Variants in CCSER1 observed in about 807,000 individuals in gnomAD.
The protein encoded by CCSER1 is coiled-coil serine rich protein 1.
A neutral mutation model predicts 82.0 loss-of-function variants in CCSER1; 41 were observed. That is an observed-to-expected ratio of 0.50 (90% CI 0.39 to 0.65). The LOEUF is 0.65. CCSER1 is among the 30% of genes least tolerant of loss of function. The pLI is 0.00. For missense variants in CCSER1, 1,119 were observed against 1,064.2 expected, an observed-to-expected ratio of 1.05 and a Z score of -0.72; for synonymous variants, 414 against 383.9, an observed-to-expected ratio of 1.08 and a Z score of -0.92.
rs11944649 is a variant in CCSER1 at position 90,701,012 on chromosome 4, C to G, written c.1933-22902C>G. The stretch of plus-strand genomic sequence containing the variant: ...GTTAGATCCCATTTGTCAATTTTGG[C>G]TTTTGTTGCCATTGCTTTTGGTGTT... On this transcript the variant is annotated intron_variant, in intron 6 of 10. Transcript: ENST00000509176. Among the ~76,000 whole-genome samples the G allele has an allele frequency of 4.6e-3, 706 of 152,204 alleles. 6 individuals carry two copies. Among genetic ancestry groups the G allele is most frequent in the African/African-American group, 0.017 (687 of 41,510 alleles).
intron 10 of CCSER1, among the ~76,000 whole-genome samples, chr4:91,464,192 C>A (rs1198709724): frequency 9.9e-6 from 1 of 100,688 alleles, no homozygotes; most frequent in Non-Finnish European, 2.0e-5. Context: ...AGAGTGGGGG[C>A]CAATATTCAA....
At chr4:90,920,911 G>T (rs1236867196) in intron 8 of CCSER1, among the ~76,000 whole-genome samples, 1 of 151,518 alleles carries the variant, frequency 6.6e-6, no homozygotes, top group African/African-American at 2.4e-5. Context: ...AATAATTTTA[G>T]TCAAGACTTT....
intron 7 of CCSER1, among the ~76,000 whole-genome samples, chr4:90,796,663 A>G (rs998464760): frequency 2.0e-5 from 3 of 152,148 alleles, no homozygotes; most frequent in African/African-American, 4.8e-5. Context: ...TCTGTGTCCC[A>G]GGGATTCTGG....
chr4:91,056,557 C>A lies in CCSER1; in HGVS notation c.2173-29393C>A, dbSNP rs548143591. Among the ~76,000 whole-genome samples the A allele has an allele frequency of 4.6e-5, 7 of 152,230 alleles. No individual in the cohort carries two copies. The South Asian group carries it at 1.5e-3, about 32-fold the overall frequency. ...ATGCTCTGTCTGTATGACCTAAACA[C>A]CTCCTAGAAGGCCCTAATTCCCAAC... On this transcript the variant is annotated intron_variant, in intron 9 of 10. Coordinates refer to ENST00000509176, the MANE Select transcript of CCSER1 (RefSeq NM_001145065.2).
At chr4:91,347,476 CATT>C (rs200478977) in intron 10 of CCSER1, among the ~76,000 whole-genome samples, 58 of 151,010 alleles carry the variant, frequency 3.8e-4, no homozygotes, top group African/African-American at 1.3e-3. Context: ...ATTTAGAACA[CATT>C]ATTATTTTTT....
intron 10 of CCSER1, among the ~76,000 whole-genome samples, chr4:91,160,403 A>G (rs551602389): frequency 6.6e-6 from 1 of 152,206 alleles, no homozygotes; most frequent in East Asian, 1.9e-4. Flanking sequence ...TCCTTTGGGT[A>G]TATACCAGGC....
intron 10 of CCSER1, among the ~76,000 whole-genome samples, chr4:91,416,845 T>C (rs564410573): frequency 1.5e-3 from 229 of 152,292 alleles, no homozygotes; most frequent in African/African-American, 5.2e-3. Flanking sequence ...AAAGCCAGAA[T>C]TGACAAATAG....
chr4:91,367,317 C>CAA (rs557952182), intron 10 of CCSER1, among the ~76,000 whole-genome samples: 5 of 74,992 alleles, frequency 6.7e-5, no homozygotes, highest in Admixed American at 1.6e-4. Flanking sequence ...ATCCTGTCTC[C>CAA]AAAAAAAAAA....
intron 6 of CCSER1, among the ~76,000 whole-genome samples, chr4:90,684,854 T>G (rs1828883): frequency 0.16 from 25,028 of 152,084 alleles, 2,283 homozygotes; most frequent in Middle Eastern, 0.23. Context: ...GCACAAGCTG[T>G]CTCTTTGCCA....
At chr4:90,819,905 G>C (rs1759511319) in intron 8 of CCSER1, among the ~76,000 whole-genome samples, 1 of 152,150 alleles carries the variant, frequency 6.6e-6, no homozygotes, top group Non-Finnish European at 1.5e-5. Context: ...ACAGTGTCCT[G>C]GGATTATGTG....
At chr4:90,943,947 A>G (rs1037053033) in intron 9 of CCSER1, among the ~76,000 whole-genome samples, 7 of 151,296 alleles carry the variant, frequency 4.6e-5, no homozygotes, top group African/African-American at 1.5e-4. Flanking sequence ...AAAGTGAAAA[A>G]TATCAGGCCG....
intron 9 of CCSER1, among the ~76,000 whole-genome samples, chr4:90,946,625 A>C (rs1248564186): frequency 3.2e-4 from 9 of 28,138 alleles, no homozygotes; most frequent in African/African-American, 1.8e-3. Flanking sequence ...ACTGCACCTC[A>C]AAAAAAAAAA....
intron 6 of CCSER1, among the ~76,000 whole-genome samples, chr4:90,684,391 C>T (rs570978508): frequency 1.2e-4 from 18 of 152,008 alleles, no homozygotes; most frequent in Non-Finnish European, 1.6e-4. Context: ...ATATTATATC[C>T]AATTAAAAAA....
At chr4:90,574,145 T>C (rs2148589428) in intron 5 of CCSER1, among the ~76,000 whole-genome samples, 1 of 152,082 alleles carries the variant, frequency 6.6e-6, no homozygotes, top group Non-Finnish European at 1.5e-5. Context: ...TATGAAATAG[T>C]ATTTCTTGTT....
At chr4:90,578,348 T>C (rs1294158747) in intron 5 of CCSER1, among the ~76,000 whole-genome samples, 2 of 152,138 alleles carry the variant, frequency 1.3e-5, no homozygotes, top group Non-Finnish European at 2.9e-5. Flanking sequence ...AACTTATTCC[T>C]TACCTTTTTG....
intron 9 of CCSER1, among the ~76,000 whole-genome samples, chr4:91,080,743 C>T (rs7672468): frequency 0.35 from 52,818 of 151,876 alleles, 9,694 homozygotes; most frequent in South Asian, 0.43. Context: ...ATATCACCAC[C>T]GATCCCACAG....
intron 1 of CCSER1, among the ~76,000 whole-genome samples, chr4:90,218,857 A>AAAATAAAT (rs10679218): frequency 6.0e-5 from 9 of 150,832 alleles, no homozygotes; most frequent in East Asian, 5.9e-4. Flanking sequence ...CTGTCTTTAC[A>AAAATAAAT]AAATAAATAA....
At chr4:91,094,081 C>A (rs1234434830) in intron 10 of CCSER1, among the ~76,000 whole-genome samples, 1 of 152,166 alleles carries the variant, frequency 6.6e-6, no homozygotes, top group African/African-American at 2.4e-5. Context: ...ACTCACAGTC[C>A]TCCAGGTGTC....
intron 9 of CCSER1, among the ~76,000 whole-genome samples, chr4:91,062,456 T>C (rs570855101): frequency 3.9e-5 from 6 of 152,126 alleles, no homozygotes; most frequent in Non-Finnish European, 8.8e-5. Context: ...TTTCAGACAA[T>C]GGCTTCTCAG....
Sources: gnomAD v4.1 joint callset for allele counts (sites outside exome capture counted in the v4.1 genomes callset) on GRCh38, gnomAD v4.1.1 for gene constraint, MANE v1.5 for transcripts, NCBI Gene and HGNC (gene_info 2026-07-23, HGNC 2026-07-21) for gene names.